The following MLIP variants were observed in gnomAD, a reference collection of about 807,000 sequenced individuals.
MLIP encodes the protein muscular LMNA-interacting protein.
Under a neutral mutation model 84.8 loss-of-function variants are expected in MLIP, and 79 were observed. The ratio of observed to expected loss-of-function variants is 0.93; its 90% CI spans 0.78 to 1.12. MLIP has a LOEUF of 1.12. MLIP is among the 50% of genes most tolerant of loss of function. The pLI is 0.00. For missense variants in MLIP, 1,257 were observed against 1,160.6 expected, an observed-to-expected ratio of 1.08 and a Z score of -1.21; for synonymous variants, 504 against 463.0, an observed-to-expected ratio of 1.09 and a Z score of -1.14.
At chr6:54,025,847 T>G (rs1763772144) in intron 1 of MLIP, among the ~76,000 whole-genome samples, 1 of 152,208 alleles carries the variant, frequency 6.6e-6, no homozygotes, top group Non-Finnish European at 1.5e-5. Flanking sequence ...CTAAGGTATT[T>G]GTGTTGCTTA....
At chr6:54,212,599 T>A (rs907236749) in intron 11 of MLIP, among the ~76,000 whole-genome samples, 3 of 152,210 alleles carry the variant, frequency 2.0e-5, no homozygotes, top group African/African-American at 7.2e-5. Flanking sequence ...GCCCCTGCAA[T>A]TTGGATAGAG....
intron 1 of MLIP, among the ~76,000 whole-genome samples, chr6:54,021,646 A>C (rs1344648973): frequency 6.6e-6 from 1 of 152,222 alleles, no homozygotes; most frequent in Non-Finnish European, 1.5e-5. Flanking sequence ...TGCTACTTTT[A>C]AGTATTGATT....
intron 1 of MLIP, among the ~76,000 whole-genome samples, chr6:54,068,036 T>TCTTTCCTTCC (rs1411244271): frequency 6.0e-5 from 1 of 16,780 alleles, no homozygotes; most frequent in African/African-American, 1.2e-4. Context: ...TCCTTCCTTT[T>TCTTTCCTTCC]TTCTTTCCTT....
At chr6:54,176,280 G>GT (rs146108827) in intron 9 of MLIP, among the ~76,000 whole-genome samples, 330 of 142,866 alleles carry the variant, frequency 2.3e-3, no homozygotes, top group Admixed American at 3.6e-3. Flanking sequence ...TCCTTTGTTT[G>GT]TTTGTTTTTT....
intron 13 of MLIP, among the ~76,000 whole-genome samples, chr6:54,260,261 T>A (rs1783294213): frequency 6.9e-6 from 1 of 145,472 alleles, no homozygotes; most frequent in South Asian, 2.1e-4. Flanking sequence ...CTAAAGTTCA[T>A]TTAAAAGGAA....
intron 10 of MLIP, among the ~76,000 whole-genome samples, chr6:54,194,442 T>G (rs1720540344): frequency 1.3e-5 from 2 of 152,156 alleles, no homozygotes; most frequent in South Asian, 4.1e-4. Flanking sequence ...ATCTGGCCAA[T>G]CTGTATTGTG....
chr6:54,081,629 T>C (rs989052268), intron 1 of MLIP, among the ~76,000 whole-genome samples: 5 of 152,186 alleles, frequency 3.3e-5, no homozygotes, highest in African/African-American at 1.2e-4. Context: ...GCCGGGCTGG[T>C]CTTAAACTCC....
intron 1 of MLIP, among the ~76,000 whole-genome samples, chr6:54,090,500 T>A (rs1229000433): frequency 6.6e-6 from 1 of 152,190 alleles, no homozygotes; most frequent in Non-Finnish European, 1.5e-5. Flanking sequence ...ACAACTTCCC[T>A]TTGTTATTCA....
rs374851772 is a variant in MLIP, at chr6:54,182,393, G to A, written c.2545-7477G>A. 6.6e-5 allele frequency among the ~76,000 whole-genome samples: 10 copies of A among 152,264 alleles called. No individual in the cohort carries two copies. In the South Asian group the frequency reaches 1.0e-3, roughly 16 times the overall value. ...GCATGGTCACTACTGGGGAGTAGGG[G>A]GAAGGGTGACATTAACAATTCAAGA... On this transcript the variant is annotated intron_variant, in intron 9 of 13. Coordinates refer to ENST00000502396, the MANE Select transcript of MLIP (RefSeq NM_001281747.2).
In MLIP at chr6:54,065,244, C is replaced by A. The variant is rs192244123; in HGVS notation, c.63+46153C>A. Among the ~76,000 whole-genome samples, 229 of 100,226 alleles carry A rather than the reference C, an allele frequency of 2.3e-3. 24 individuals are homozygous for A. Among genetic ancestry groups the A allele is most frequent in the African/African-American group, 5.5e-3 (215 of 39,230 alleles). The allele number at this position is 100,226 out of a possible 152,430, so 65.8% of individuals were successfully genotyped here. On this transcript the variant is annotated intron_variant, in intron 1 of 12. Transcript: ENST00000274897. ...CTAAAATCAATTGATTCATGCTAAACGTCCAGAACGGTACCTGATAAATTC... is the reference window on the plus strand; with the variant it reads ...CTAAAATCAATTGATTCATGCTAAAAGTCCAGAACGGTACCTGATAAATTC...
chr6:54,079,708 T>C (rs142309873), intron 1 of MLIP: 1 of 152,144 alleles, frequency 6.6e-6, no homozygotes, highest in Non-Finnish European at 1.5e-5. Flanking sequence ...CCCCACCATA[T>C]TGTGGGAGTC....
chr6:54,262,565 G>T (rs1016229692), intron 13 of MLIP, among the ~76,000 whole-genome samples: 4 of 151,904 alleles, frequency 2.6e-5, no homozygotes, highest in Non-Finnish European at 1.5e-5. Context: ...TCATAACTTT[G>T]AGCCAGGCTT....
At chr6:54,127,405 A>G (rs902202227) in intron 3 of MLIP, among the ~76,000 whole-genome samples, 2 of 152,186 alleles carry the variant, frequency 1.3e-5, no homozygotes, top group Admixed American at 6.5e-5. Flanking sequence ...GAGTGAAAAA[A>G]ATGAAATATT....
At chr6:54,049,584 G>A (rs1765261922) in intron 1 of MLIP, among the ~76,000 whole-genome samples, 1 of 151,990 alleles carries the variant, frequency 6.6e-6, no homozygotes, top group Admixed American at 6.6e-5. Flanking sequence ...GTAGTGAGAG[G>A]GTCAGGCATA....
intron 9 of MLIP, among the ~76,000 whole-genome samples, chr6:54,181,825 G>A (rs1392771137): frequency 6.6e-6 from 1 of 152,176 alleles, no homozygotes; most frequent in Non-Finnish European, 1.5e-5. Flanking sequence ...GCCTGTAATG[G>A]GGGCATCATA....
At chr6:54,102,858 A>G (rs539596944) in intron 1 of MLIP, among the ~76,000 whole-genome samples, 1 of 152,294 alleles carries the variant, frequency 6.6e-6, no homozygotes, top group South Asian at 2.1e-4. Flanking sequence ...CTGTATAGTC[A>G]TATAATTTGA....
At chr6:54,101,639 A>G (rs146275219) in intron 1 of MLIP, among the ~76,000 whole-genome samples, 5 of 152,272 alleles carry the variant, frequency 3.3e-5, no homozygotes, top group Middle Eastern at 6.8e-3. Context: ...TGGAGCTCAC[A>G]TATTACCTTG....
chr6:54,236,099 GC>G (rs1460808434), intron 12 of MLIP, among the ~76,000 whole-genome samples: 3 of 152,040 alleles, frequency 2.0e-5, no homozygotes, highest in African/African-American at 7.2e-5. Context: ...TGTCCCCTTT[GC>G]CATAGGGAAC....
chr6:54,244,213 T>C (rs1582609014), intron 12 of MLIP, among the ~76,000 whole-genome samples: 1 of 152,224 alleles, frequency 6.6e-6, no homozygotes, highest in Admixed American at 6.5e-5. Flanking sequence ...TCAATCATCA[T>C]AGAAATAAAC....
Sources: allele counts gnomAD v4.1 joint callset (sites outside exome capture counted in the v4.1 genomes callset), GRCh38; gene constraint gnomAD v4.1.1; transcripts MANE v1.5; gene names NCBI Gene and HGNC (gene_info 2026-07-23, HGNC 2026-07-21).